SH2D4B: variants seen among roughly 807,000 people sequenced by gnomAD.
The protein encoded by SH2D4B is SH2 domain containing 4B.
SH2D4B carries 45 observed loss-of-function variants against 61.5 expected under a neutral mutation model. The ratio of observed to expected loss-of-function variants is 0.73; its 90% CI spans 0.58 to 0.94. The LOEUF (loss-of-function observed/expected upper bound fraction) is 0.94. Ranked by LOEUF, SH2D4B falls within the 40% of genes least tolerant of loss-of-function variation. SH2D4B has a pLI of 0.00. For missense variants in SH2D4B, 572 were observed against 574.2 expected (o/e 1.00, Z 0.04); for synonymous variants, 224 against 220.4 (o/e 1.02, Z -0.14).
At chr10:80,618,483 G>A (rs754760216) in intron 6 of SH2D4B, among the ~76,000 whole-genome samples, 4 of 152,124 alleles carry the variant, frequency 2.6e-5, no homozygotes, top group African/African-American at 4.8e-5. Flanking sequence ...TTCATTTGGC[G>A]TTATAAAAAA....
At chr10:80,555,940 C>G (rs1902659) in intron 1 of SH2D4B, among the ~76,000 whole-genome samples, 35,038 of 152,148 alleles carry the variant, frequency 0.23, 5,029 homozygotes, top group East Asian at 0.48. Flanking sequence ...GATGCAGTGA[C>G]CTTGCAGCTG....
intron 3 of SH2D4B, among the ~76,000 whole-genome samples, chr10:80,586,545 C>G (rs1480078403): frequency 6.6e-6 from 1 of 152,082 alleles, no homozygotes; most frequent in Non-Finnish European, 1.5e-5. Flanking sequence ...CTGTATCTAG[C>G]TAATCTGGTG....
chr10:80,588,186 CCTAA>C (rs1376101511), intron 3 of SH2D4B, among the ~76,000 whole-genome samples: 7 of 152,248 alleles, frequency 4.6e-5, no homozygotes, highest in Admixed American at 3.9e-4. Flanking sequence ...TCTTCATCTC[CCTAA>C]CTGACTATAA....
At position 80,571,370 on chromosome 10, in the gene SH2D4B, T is replaced by C. The variant is rs1842039878; in HGVS notation, c.348-61T>C. On this transcript the variant is annotated intron_variant, in intron 2 of 7. Coordinates refer to ENST00000646907, the MANE Select transcript of SH2D4B (RefSeq NM_001388272.1). ...TGCTCATTGTTTTTATTTCAAGTTCTATTGTTAGGTGGTCCTTCAGTTTTT... is the reference window on the plus strand; with the variant it reads ...TGCTCATTGTTTTTATTTCAAGTTCCATTGTTAGGTGGTCCTTCAGTTTTT... The C allele has an allele frequency of 3.9e-6, 6 of 1,539,700 alleles. No individual in the cohort carries two copies. In the South Asian group the frequency reaches 6.1e-5, roughly 16 times the overall value.
intron 1 of SH2D4B, among the ~76,000 whole-genome samples, chr10:80,566,476 A>G (rs1228382261): frequency 1.3e-5 from 2 of 151,846 alleles, no homozygotes; most frequent in South Asian, 2.1e-4. Flanking sequence ...TTGTAGTTTT[A>G]GTAGAGATGG....
At chr10:80,597,600 A>T (rs1766716291) in intron 4 of SH2D4B, among the ~76,000 whole-genome samples, 1 of 152,208 alleles carries the variant, frequency 6.6e-6, no homozygotes, top group African/African-American at 2.4e-5. Flanking sequence ...CGGGAGGTGG[A>T]GGTTGCAGTG....
At chr10:80,545,094 TAC>T in intron 1 of SH2D4B, among the ~76,000 whole-genome samples, 1 of 152,218 alleles carries the variant, frequency 6.6e-6, no homozygotes, top group Non-Finnish European at 1.5e-5. Context: ...TATGGTAAAA[TAC>T]ACATAACATG....
chr10:80,571,667 G>C, intron 3 of SH2D4B, 89 bp downstream of exon 3: 1 of 1,505,570 alleles, frequency 6.6e-7, no homozygotes, highest in Non-Finnish European at 9.0e-7. Context: ...TCAATCCTTG[G>C]CCATTGGTTG....
chr10:80,600,318 C>A (rs1453184095), intron 4 of SH2D4B, among the ~76,000 whole-genome samples: 1 of 152,198 alleles, frequency 6.6e-6, no homozygotes, highest in Non-Finnish European at 1.5e-5. Context: ...ATTAATGTTG[C>A]TTTGAAGCAT....
intron 1 of SH2D4B, among the ~76,000 whole-genome samples, chr10:80,559,134 A>T (rs6586068): frequency 6.6e-6 from 1 of 151,878 alleles, no homozygotes; most frequent in Non-Finnish European, 1.5e-5. Context: ...ACAAATGTTT[A>T]GTTGTATTTA....
In SH2D4B at chr10:80,563,897, A is replaced by G. The variant is rs73307133; in HGVS notation, c.185-6257A>G. Among the ~76,000 whole-genome samples the G allele has an allele frequency of 6.7e-3, 1,016 of 152,314 alleles. 11 individuals are homozygous for G. The highest frequency in any genetic ancestry group is 0.023 in the African/African-American group (966 of 41,560). On this transcript the variant is annotated intron_variant, in intron 1 of 7. Coordinates refer to ENST00000646907, the MANE Select transcript of SH2D4B (RefSeq NM_001388272.1). ...AAAGGCATCATTCAAATTATGTTTCATAGGGCTTATTTCTCTTACAGAACC... is the reference window on the plus strand; with the variant it reads ...AAAGGCATCATTCAAATTATGTTTCGTAGGGCTTATTTCTCTTACAGAACC...
intron 6 of SH2D4B, among the ~76,000 whole-genome samples, chr10:80,627,241 A>C (rs1194486935): frequency 6.6e-6 from 1 of 152,196 alleles, no homozygotes; most frequent in Admixed American, 6.5e-5. Context: ...TTGGCTCTGA[A>C]CCGTAATCCT....
At chr10:80,596,609 A>G (rs1469078360) in intron 4 of SH2D4B, among the ~76,000 whole-genome samples, 1 of 152,214 alleles carries the variant, frequency 6.6e-6, no homozygotes, top group African/African-American at 2.4e-5. Flanking sequence ...GTCCATGCAC[A>G]GGTAGTTCCT....
At chr10:80,585,820 C>T (rs921678853) in intron 3 of SH2D4B, among the ~76,000 whole-genome samples, 1 of 152,194 alleles carries the variant, frequency 6.6e-6, no homozygotes, top group Non-Finnish European at 1.5e-5. Context: ...GTAAGAGCCC[C>T]TTTCTGGGCT....
In SH2D4B at chr10:80,603,653, T is replaced by A; in HGVS notation, c.718T>A (p.Ser240Thr). 1.9e-6 allele frequency: 3 copies of A among 1,605,952 alleles called. No homozygotes were observed. The highest frequency in any genetic ancestry group is 1.3e-5 in the African/African-American group (1 of 74,974). Residue 240 changes from serine to threonine, a missense_variant, in exon 5 of 8, where the codon TCG (serine) becomes ACG (threonine). Coordinates refer to ENST00000646907, the MANE Select transcript of SH2D4B (RefSeq NM_001388272.1). ...CGCCCGGGACGAGTACCGACACCAC[T>A]CGCTCCGTGCTATCCAGAAGGGCAC... ...QRARDEYRHH[S>T]LRAIQKGTVA...
intron 1 of SH2D4B, among the ~76,000 whole-genome samples, chr10:80,542,962 C>T (rs775969130): frequency 6.6e-6 from 1 of 152,248 alleles, no homozygotes; most frequent in Non-Finnish European, 1.5e-5. Context: ...AGTGGGGTTC[C>T]AGCCTCTACT....
Position 80,638,291 on chromosome 10 carries a change from T to C in SH2D4B, c.1209+3786T>C, listed in dbSNP as rs187687230. ...GCCAGGCTTTGGTATCAGGATGACG[T>C]TGGCCTCATAAAATGAGTTAGAGAG... is the stretch of plus-strand genomic sequence containing the variant. On this transcript the variant is annotated intron_variant, in intron 7 of 7. Coordinates refer to ENST00000646907, the MANE Select transcript of SH2D4B (RefSeq NM_001388272.1). 4.4e-3 allele frequency among the ~76,000 whole-genome samples: 676 copies of C among 152,316 alleles called. 1 individual carries two copies. The highest frequency in any genetic ancestry group is 6.9e-3 in the Non-Finnish European group (472 of 68,014).
chr10:80,636,157 A>G (rs1840161883), intron 7 of SH2D4B, among the ~76,000 whole-genome samples: 1 of 152,184 alleles, frequency 6.6e-6, no homozygotes, highest in Admixed American at 6.5e-5. Context: ...ATAGTATTCC[A>G]TGGTGTGTAT....
intron 4 of SH2D4B, among the ~76,000 whole-genome samples, chr10:80,592,636 C>G (rs1219963126): frequency 6.6e-6 from 1 of 152,046 alleles, no homozygotes; most frequent in African/African-American, 2.4e-5. Context: ...TATTCTTTCT[C>G]CATTGGATGG....
Sources: gnomAD v4.1 joint callset for allele counts (sites outside exome capture counted in the v4.1 genomes callset) on GRCh38, gnomAD v4.1.1 for gene constraint, MANE v1.5 for transcripts, NCBI Gene and HGNC (gene_info 2026-07-23, HGNC 2026-07-21) for gene names.